The following RAB26 variants were observed in gnomAD, a reference collection of about 807,000 sequenced individuals.
RAB26 encodes ras-related protein Rab-26.
In RAB26, 39 loss-of-function variants were observed where a neutral mutation model predicts 33.1. The ratio of observed to expected loss-of-function variants is 1.18; its 90% CI spans 0.91 to 1.54. The LOEUF (loss-of-function observed/expected upper bound fraction) is 1.54. Ranked by LOEUF, RAB26 falls within the 40% of genes most tolerant of loss-of-function variation. RAB26 has a pLI of 0.00. For missense variants in RAB26, 468 were observed against 362.9 expected (o/e 1.29, Z -2.35); for synonymous variants, 192 against 151.9 (o/e 1.26, Z -1.94).
intron 2 of RAB26, among the ~76,000 whole-genome samples, chr16:2,150,511 C>G (rs1015005364): frequency 6.8e-6 from 1 of 147,062 alleles, no homozygotes; most frequent in African/African-American, 2.5e-5. Flanking sequence ...GAGGTGCCGG[C>G]TTGTCCTCAG....
Position 2,152,971 on chromosome 16 carries a change from A to G in RAB26, c.535-18A>G. 6.3e-7 allele frequency: 1 copy of G among 1,583,584 alleles called. No individual in the cohort carries two copies. Among genetic ancestry groups the G allele is most frequent in the Non-Finnish European group, 8.6e-7 (1 of 1,161,042 alleles). ...CAACCATGGGCCAGCTTTCACCAAGACCCTGTGCCTGGGCCAGGTGGACTC... is the reference window on the plus strand; with the variant it reads ...CAACCATGGGCCAGCTTTCACCAAGGCCCTGTGCCTGGGCCAGGTGGACTC... On this transcript the variant is annotated intron_variant, in intron 6 of 8. Coordinates refer to ENST00000210187, the MANE Select transcript of RAB26 (RefSeq NM_014353.5).
Position 2,148,651 on chromosome 16 carries a change from C to CCGG in RAB26, c.-131_-130insGCG. ...CGCGAGCCGGGCGCCCGGGATGATG[C>CCGG]CGCCGCCGCCGCCGCCGCCGCCGCC... On this transcript the variant is annotated 5_prime_UTR_variant, in exon 1 of 9. Coordinates refer to ENST00000210187, the MANE Select transcript of RAB26 (RefSeq NM_014353.5). 1 of 625,676 alleles carries CCGG rather than the reference C, an allele frequency of 1.6e-6. No individual in the cohort carries two copies. Among genetic ancestry groups the CCGG allele is most frequent in the Non-Finnish European group, 2.0e-6 (1 of 500,592 alleles). 38.8% of individuals were successfully genotyped at this position (625,676 alleles called of 1,614,324 possible). A position where few individuals can be genotyped will look rare whatever the true frequency, so the allele number is the denominator to read the frequency against.
chr16:2,150,088 C>T (rs560955584), intron 2 of RAB26, 37 bp downstream of exon 2: 14 of 1,492,710 alleles, frequency 9.4e-6, no homozygotes, highest in Admixed American at 8.8e-5. Flanking sequence ...ACATCAGAGT[C>T]CCGCCGGTAC....
Position 2,148,661 on chromosome 16 carries a change from C to CGCT in RAB26, c.-121_-120insTGC. Reference sequence around the variant, plus strand: ...GCGCCCGGGATGATGCCGCCGCCGCCGCCGCCGCCGCCGCCGCCGCCAGGG... The same window carrying CGCT: ...GCGCCCGGGATGATGCCGCCGCCGCCGCTGCCGCCGCCGCCGCCGCCGCCAGGG... On this transcript the variant is annotated 5_prime_UTR_variant, in exon 1 of 9. Coordinates refer to ENST00000210187, the MANE Select transcript of RAB26 (RefSeq NM_014353.5). The CGCT allele has an allele frequency of 1.1e-6, 1 of 883,428 alleles. No homozygotes were observed. The highest frequency in any genetic ancestry group is 1.4e-6 in the Non-Finnish European group (1 of 710,634). The allele number at this position is 883,428 out of a possible 1,614,324, so 54.7% of individuals were successfully genotyped here. A position where few individuals can be genotyped will look rare whatever the true frequency, so the allele number is the denominator to read the frequency against.
intron 1 of RAB26, 133 bp downstream of exon 1, chr16:2,149,111 G>A (rs989923263): frequency 2.2e-6 from 2 of 924,326 alleles, no homozygotes; most frequent in African/African-American, 3.5e-5. Context: ...AACCCCGTGG[G>A]GCTTGCACGG....
chr16:2,148,471 TC>T (rs2092992985), upstream of RAB26: 1 of 152,232 alleles, frequency 6.6e-6, no homozygotes, highest in African/African-American at 2.4e-5. Flanking sequence ...GGGGTCGTGA[TC>T]GGGGGCGGGA....
At chr16:2,149,865 C>G (rs918748762) in intron 1 of RAB26, 76 bp from the exon 2 acceptor site, 2 of 1,190,216 alleles carry the variant, frequency 1.7e-6, no homozygotes, top group African/African-American at 3.2e-5. Context: ...CACTCCTGCT[C>G]CTCACCTGCA....
chr16:2,153,818 G>A lies in RAB26; in HGVS notation c.*397G>A. 2.1e-6 allele frequency: 1 copy of A among 465,884 alleles called. No homozygotes were observed. Among genetic ancestry groups the A allele is most frequent in the Non-Finnish European group, 4.3e-6 (1 of 233,602 alleles). The allele number at this position is 465,884 out of a possible 1,614,324, so 28.9% of individuals were successfully genotyped here. ...CTCAGGCAGCTAAGGGAGGACGCCT[G>A]CCCACGCCTGGGACAGAAGGCTTCA... On this transcript the variant is annotated 3_prime_UTR_variant, in exon 9 of 9. Coordinates refer to ENST00000210187, the MANE Select transcript of RAB26 (RefSeq NM_014353.5).
chr16:2,152,918 AGGGCAGGGCAGGTGAGG>A (rs1567240393), intron 6 of RAB26, 33 bp downstream of exon 6: 6 of 1,590,114 alleles, frequency 3.8e-6, no homozygotes, highest in East Asian at 4.5e-5. Context: ...CCTGGGCCAC[AGGGCAGGGCAGGTGAGG>A]GGGCAGGGGC....
chr16:2,152,909 C>T (rs965384313), intron 6 of RAB26, 24 bp downstream of exon 6: 10 of 1,598,990 alleles, frequency 6.3e-6, no homozygotes, highest in Non-Finnish European at 6.8e-6. Context: ...CTGTCCTCAC[C>T]TGGGCCACAG....
chr16:2,154,135 T>C lies in RAB26; in HGVS notation c.*714T>C, dbSNP rs2093017664. The C allele has an allele frequency of 3.5e-6, 1 of 288,828 alleles. No individual in the cohort carries two copies. Among genetic ancestry groups the C allele is most frequent in the African/African-American group, 2.2e-5 (1 of 44,758 alleles). The allele number at this position is 288,828 out of a possible 1,614,324, so 17.9% of individuals were successfully genotyped here. A position where few individuals can be genotyped will look rare whatever the true frequency, so the allele number is the denominator to read the frequency against. On this transcript the variant is annotated 3_prime_UTR_variant, in exon 9 of 9. Transcript: ENST00000210187. Reference sequence around the variant, plus strand: ...AGTCCTAGTGAATAAAGTTGTGTTTTCTGGAGCGTCTGTCTCATCTGTTGA... The same window carrying C: ...AGTCCTAGTGAATAAAGTTGTGTTTCCTGGAGCGTCTGTCTCATCTGTTGA...
intron 1 of RAB26, among the ~76,000 whole-genome samples, chr16:2,149,530 C>G (rs1011420213): frequency 6.6e-6 from 1 of 151,922 alleles, no homozygotes; most frequent in African/African-American, 2.4e-5. Flanking sequence ...GAGATCTGAT[C>G]CTAATGGGGC....
In RAB26 at chr16:2,153,172, C is replaced by A. The variant is rs1017169831; in HGVS notation, c.618C>A (p.Thr206=). 2 of 1,613,722 alleles carry A rather than the reference C, an allele frequency of 1.2e-6. No homozygotes were observed. The highest frequency in any genetic ancestry group is 1.7e-5 in the Admixed American group (1 of 60,012). ...AKEYGLPFME[T]SAKTGLNVDL... Reference sequence around the variant, plus strand: ...AGTATGGACTGCCCTTCATGGAGACCAGCGCCAAGACGGGCCTCAACGTGG... The same window carrying A: ...AGTATGGACTGCCCTTCATGGAGACAAGCGCCAAGACGGGCCTCAACGTGG... Residue 206 remains threonine, a synonymous_variant, in exon 8 of 9, where the codon ACC becomes ACA. Coordinates refer to ENST00000210187, the MANE Select transcript of RAB26 (RefSeq NM_014353.5).
rs1362701903 is a variant in RAB26, at chr16:2,150,154, C to A, written c.306+103C>A. Reference sequence around the variant, plus strand: ...GTACCAACAGGCTCGAGGCCTGGACCCCAGAAGCTGCCTGCCTCGACCTTC... The same window carrying A: ...GTACCAACAGGCTCGAGGCCTGGACACCAGAAGCTGCCTGCCTCGACCTTC... On this transcript the variant is annotated intron_variant, in intron 2 of 8. Transcript: ENST00000210187. 6 of 1,067,316 alleles carry A rather than the reference C, an allele frequency of 5.6e-6. 1 individual carries two copies. Among genetic ancestry groups the A allele is most frequent in the Non-Finnish European group, 8.0e-6 (6 of 754,082 alleles). The allele number at this position is 1,067,316 out of a possible 1,614,324, so 66.1% of individuals were successfully genotyped here. A position where few individuals can be genotyped will look rare whatever the true frequency, so the allele number is the denominator to read the frequency against.
Position 2,153,858 on chromosome 16 carries a change from G to A in RAB26, c.*437G>A, listed in dbSNP as rs535107307. 11 of 458,426 alleles carry A rather than the reference G, an allele frequency of 2.4e-5. No individual in the cohort carries two copies. Among genetic ancestry groups the A allele is most frequent in the African/African-American group, 8.0e-5 (4 of 50,308 alleles). 28.4% of individuals were successfully genotyped at this position (458,426 alleles called of 1,614,324 possible). Reference sequence around the variant, plus strand: ...AGAAGGCTTCACTGCTAATCACATCGTGCATCTGTGTGTCCTGGGAGCTGC... The same window carrying A: ...AGAAGGCTTCACTGCTAATCACATCATGCATCTGTGTGTCCTGGGAGCTGC... On this transcript the variant is annotated 3_prime_UTR_variant, in exon 9 of 9. Transcript: ENST00000210187.
intron 5 of RAB26, 125 bp downstream of exon 5, chr16:2,152,033 C>A: frequency 7.4e-7 from 1 of 1,357,240 alleles, no homozygotes; most frequent in South Asian, 1.3e-5. Flanking sequence ...GAAATGACAG[C>A]CTTCTGGGCT....
rs1329845471 is a variant in RAB26, at chr16:2,154,115, T to C, written c.*694T>C. 2 of 308,290 alleles carry C rather than the reference T, an allele frequency of 6.5e-6. No individual in the cohort carries two copies. The highest frequency in any genetic ancestry group is 1.3e-5 in the Non-Finnish European group (2 of 155,296). 19.1% of individuals were successfully genotyped at this position (308,290 alleles called of 1,614,324 possible). Reference sequence around the variant, plus strand: ...TTGCACAAGCCTTTGTTTTCAGTCCTAGTGAATAAAGTTGTGTTTTCTGGA... The same window carrying C: ...TTGCACAAGCCTTTGTTTTCAGTCCCAGTGAATAAAGTTGTGTTTTCTGGA... On this transcript the variant is annotated 3_prime_UTR_variant, in exon 9 of 9. Coordinates refer to ENST00000210187, the MANE Select transcript of RAB26 (RefSeq NM_014353.5).
chr16:2,152,683 ACT>A (rs1300909008), intron 5 of RAB26, 135 bp from the exon 6 acceptor site: 10 of 656,886 alleles, frequency 1.5e-5, no homozygotes, highest in African/African-American at 2.5e-5. Context: ...ACAGGGCGAG[ACT>A]CTTGTCTCAA....
chr16:2,151,848 G>A lies in RAB26; in HGVS notation c.416-8G>A, dbSNP rs1310336281. ...ATGGTGGATGTCCTCACTGCCCTCT[G>A]TCCCCAGCTCTGCTGCTGCTCTACG... On this transcript the variant is annotated splice_polypyrimidine_tract_variant and splice_region_variant and intron_variant, in intron 4 of 8. Coordinates refer to ENST00000210187, the MANE Select transcript of RAB26 (RefSeq NM_014353.5). 1 of 1,614,158 alleles carries A rather than the reference G, an allele frequency of 6.2e-7. No individual in the cohort carries two copies. The highest frequency in any genetic ancestry group is 1.1e-5 in the South Asian group (1 of 91,092).
Sources: allele counts gnomAD v4.1 joint callset (sites outside exome capture counted in the v4.1 genomes callset), GRCh38; gene constraint gnomAD v4.1.1; transcripts MANE v1.5; gene names NCBI Gene and HGNC (gene_info 2026-07-23, HGNC 2026-07-21).